The following CWC27 variants were observed in gnomAD, a reference collection of about 807,000 sequenced individuals.
CWC27 encodes spliceosome-associated protein CWC27 homolog.
Under a neutral mutation model 63.6 loss-of-function variants are expected in CWC27, and 47 were observed. The ratio of observed to expected loss-of-function variants is 0.74; its 90% CI spans 0.58 to 0.94. CWC27 has a LOEUF of 0.94. Among genes scored for constraint, CWC27 ranks in the 40% least tolerant of loss-of-function variants. The pLI is 0.00. For synonymous variants in CWC27, 175 were observed against 179.8 expected (o/e 0.97, Z 0.22); for missense variants, 495 against 554.3 (o/e 0.89, Z 1.07).
intron 10 of CWC27, among the ~76,000 whole-genome samples, chr5:64,884,838 T>TA (rs1414003808): frequency 4.6e-5 from 7 of 152,200 alleles, no homozygotes; most frequent in African/African-American, 1.7e-4. Context: ...AAGTTTGTCT[T>TA]TAACACATGA....
intron 12 of CWC27, among the ~76,000 whole-genome samples, chr5:64,975,823 G>GGGA (rs1359363798): frequency 2.6e-5 from 4 of 152,172 alleles, no homozygotes; most frequent in Non-Finnish European, 5.9e-5. Flanking sequence ...CCAACACTTT[G>GGGA]GGAGGCCAAG....
At chr5:64,943,641 T>G (rs1272735251) in intron 11 of CWC27, among the ~76,000 whole-genome samples, 2 of 152,204 alleles carry the variant, frequency 1.3e-5, no homozygotes, top group Admixed American at 1.3e-4. Context: ...AGAATATAAA[T>G]ACCTCTGCCC....
At chr5:64,798,184 C>T (rs987632600) in intron 7 of CWC27, among the ~76,000 whole-genome samples, 1 of 152,144 alleles carries the variant, frequency 6.6e-6, no homozygotes, top group African/African-American at 2.4e-5. Context: ...CAGATAATCT[C>T]ATTTAATTCT....
At chr5:65,008,102 G>A (rs761702123) in intron 13 of CWC27, among the ~76,000 whole-genome samples, 19 of 152,156 alleles carry the variant, frequency 1.2e-4, no homozygotes, top group Non-Finnish European at 2.5e-4. Context: ...ACACAATTTG[G>A]TCCATAACAC....
At chr5:64,803,142 C>G (rs1355456769) in intron 9 of CWC27, among the ~76,000 whole-genome samples, 1 of 152,138 alleles carries the variant, frequency 6.6e-6, no homozygotes, top group Non-Finnish European at 1.5e-5. Context: ...TGTTAATAAA[C>G]AACTATGTAA....
At chr5:64,997,615 C>T (rs1419527931) in intron 13 of CWC27, among the ~76,000 whole-genome samples, 1 of 152,024 alleles carries the variant, frequency 6.6e-6, no homozygotes. Context: ...TGGTTTCTAT[C>T]ATAATTCTTA....
At chr5:64,942,656 G>C (rs1561165171) in intron 11 of CWC27, among the ~76,000 whole-genome samples, 2 of 152,200 alleles carry the variant, frequency 1.3e-5, no homozygotes, top group South Asian at 2.1e-4. Context: ...GAATGTGCTT[G>C]GTCAGCCTGT....
At chr5:64,975,339 C>G (rs1455617137) in intron 12 of CWC27, among the ~76,000 whole-genome samples, 1 of 152,092 alleles carries the variant, frequency 6.6e-6, no homozygotes, top group African/African-American at 2.4e-5. Flanking sequence ...TATTGTGACT[C>G]TCTAATATAC....
intron 13 of CWC27, among the ~76,000 whole-genome samples, chr5:64,982,531 G>C (rs1446937706): frequency 6.6e-6 from 1 of 151,654 alleles, no homozygotes; most frequent in Non-Finnish European, 1.5e-5. Context: ...TGTTGCCCAG[G>C]CTGATCTCGA....
chr5:64,783,942 C>T lies in CWC27; in HGVS notation c.359C>T (p.Ala120Val), dbSNP rs1450457488. 1 of 1,598,868 alleles carries T rather than the reference C, an allele frequency of 6.3e-7. No homozygotes were observed. Among genetic ancestry groups the T allele is most frequent in the Admixed American group, 1.7e-5 (1 of 57,660 alleles). ...GSQFFFTLGRADELNNKHTIF... is the reference protein window; with the variant it reads ...GSQFFFTLGRVDELNNKHTIF... The stretch of plus-strand genomic sequence containing the variant: ...CAGTTTTTCTTCACACTGGGTCGAG[C>T]AGATGAACTTAACAATAAGCATACC... The change falls in exon 4 of 14, where the codon GCA (alanine) becomes GTA (valine). Residue 120 changes from alanine to valine, a missense_variant. Ala to Val is a moderately conservative substitution (Grantham distance 64). This residue lies in a region of CWC27 where 463 missense variants were observed against 498.1 expected (regional missense o/e 0.93). Coordinates refer to ENST00000381070, the MANE Select transcript of CWC27 (RefSeq NM_005869.4).
chr5:64,826,747 T>C (rs190666736), intron 10 of CWC27, among the ~76,000 whole-genome samples: 1 of 151,754 alleles, frequency 6.6e-6, no homozygotes. Flanking sequence ...AACTGTTAGT[T>C]TCATGTCTTC....
chr5:64,962,846 G>T (rs1210599113), intron 11 of CWC27, among the ~76,000 whole-genome samples: 3 of 152,112 alleles, frequency 2.0e-5, no homozygotes, highest in African/African-American at 4.8e-5. Context: ...CACAATAAAA[G>T]ATTAGAAAAC....
At chr5:64,805,355 A>G (rs1744630359) in intron 10 of CWC27, among the ~76,000 whole-genome samples, 1 of 151,572 alleles carries the variant, frequency 6.6e-6, no homozygotes, top group African/African-American at 2.4e-5. Context: ...ATAATTTTAC[A>G]TACTAGATTA....
intron 11 of CWC27, among the ~76,000 whole-genome samples, chr5:64,926,050 C>T (rs1184058469): frequency 6.6e-6 from 1 of 152,134 alleles, no homozygotes; most frequent in South Asian, 2.1e-4. Context: ...CACCAATCTT[C>T]AGTTCTAGCT....
At chr5:64,914,405 C>T (rs943225935) in intron 11 of CWC27, among the ~76,000 whole-genome samples, 2 of 151,896 alleles carry the variant, frequency 1.3e-5, no homozygotes, top group African/African-American at 2.4e-5. Flanking sequence ...TACAGCATAG[C>T]CAGGATATCT....
intron 10 of CWC27, among the ~76,000 whole-genome samples, chr5:64,821,401 G>T (rs547345301): frequency 4.6e-4 from 70 of 152,230 alleles, no homozygotes; most frequent in African/African-American, 1.7e-3. Flanking sequence ...GATAATAGAT[G>T]AGGCAAATAA....
chr5:64,983,997 A>G (rs1397263583), intron 13 of CWC27, among the ~76,000 whole-genome samples: 2 of 151,852 alleles, frequency 1.3e-5, no homozygotes, highest in Non-Finnish European at 2.9e-5. Flanking sequence ...ACGCCCGGCT[A>G]ATTTTTTGTA....
intron 13 of CWC27, among the ~76,000 whole-genome samples, chr5:65,008,992 G>A (rs1339441898): frequency 1.4e-5 from 2 of 139,922 alleles, no homozygotes; most frequent in Admixed American, 1.4e-4. Context: ...CTGATGCTGG[G>A]TAATTTATTT....
At chr5:64,908,255 T>G (rs1053284932) in intron 11 of CWC27, among the ~76,000 whole-genome samples, 2 of 152,228 alleles carry the variant, frequency 1.3e-5, no homozygotes, top group African/African-American at 4.8e-5. Flanking sequence ...AGAGACAGTT[T>G]GTTGTGATTT....
Sources: allele counts gnomAD v4.1 joint callset (sites outside exome capture counted in the v4.1 genomes callset), GRCh38; gene constraint gnomAD v4.1.1; regional missense constraint gnomAD v4.1.1; transcripts MANE v1.5; gene names NCBI Gene and HGNC (gene_info 2026-07-23, HGNC 2026-07-21).